DCDC1: variants seen among roughly 807,000 people sequenced by gnomAD.
DCDC1 encodes the protein doublecortin domain-containing protein 1.
In DCDC1, 200 loss-of-function variants were observed where a neutral mutation model predicts 178.3. The ratio of observed to expected loss-of-function variants is 1.12; its 90% CI spans 1.00 to 1.26. The LOEUF (loss-of-function observed/expected upper bound fraction) is 1.26, where lower values mean the gene tolerates loss of function less well. Ranked by LOEUF, DCDC1 falls within the 50% of genes most tolerant of loss-of-function variation. The pLI, the probability that DCDC1 is intolerant of heterozygous loss-of-function variation, is 0.00. For missense variants in DCDC1, 1,983 were observed against 1,749.2 expected (o/e 1.13, Z -2.38); for synonymous variants, 690 against 604.8 (o/e 1.14, Z -2.07).
intron 11 of DCDC1, among the ~76,000 whole-genome samples, chr11:31,116,763 A>C (rs1960026570): frequency 6.6e-6 from 1 of 152,166 alleles, no homozygotes; most frequent in Non-Finnish European, 1.5e-5. Flanking sequence ...ATTATTTAAC[A>C]AGTAAGGAGC....
chr11:31,038,557 AACTG>A (rs1218809526), intron 20 of DCDC1, among the ~76,000 whole-genome samples: 1 of 152,188 alleles, frequency 6.6e-6, no homozygotes, highest in Non-Finnish European at 1.5e-5. Context: ...TTTCTGGGTC[AACTG>A]ACAAATAAAA....
chr11:30,946,546 A>G (rs1948067623), intron 21 of DCDC1, among the ~76,000 whole-genome samples: 1 of 152,152 alleles, frequency 6.6e-6, no homozygotes, highest in East Asian at 1.9e-4. Flanking sequence ...GAACATCTTT[A>G]GGGGCCAAAA....
chr11:31,341,845 ATT>A, intron 1 of DCDC1, among the ~76,000 whole-genome samples: 2 of 150,044 alleles, frequency 1.3e-5, no homozygotes, highest in Middle Eastern at 6.8e-3. Flanking sequence ...ACACACACAC[ATT>A]TTTTTTGGTC....
At chr11:31,213,100 CCTCTCTCTCTCTCTCTCTCTCTCTCTCT>C (rs71060480) in intron 9 of DCDC1, among the ~76,000 whole-genome samples, 28 of 44,276 alleles carry the variant, frequency 6.3e-4, no homozygotes, top group South Asian at 1.1e-3. Flanking sequence ...TAAAGCCCAG[CCTCTCTCTCTCTCTCTCTCTCTCTCTCT>C]CTCTCTCTCT....
At chr11:30,942,481 ATC>A (rs1947720857) in intron 21 of DCDC1, among the ~76,000 whole-genome samples, 1 of 152,186 alleles carries the variant, frequency 6.6e-6, no homozygotes, top group African/African-American at 2.4e-5. Flanking sequence ...TAGCTAATAT[ATC>A]TCTTTCTTTC....
At chr11:31,272,651 C>G (rs1345612829) in intron 7 of DCDC1, among the ~76,000 whole-genome samples, 2 of 152,214 alleles carry the variant, frequency 1.3e-5, no homozygotes, top group Non-Finnish European at 2.9e-5. Context: ...GTGGTCAAAT[C>G]TTAAAACTCC....
chr11:31,175,529 G>C (rs1967891906), intron 9 of DCDC1, among the ~76,000 whole-genome samples: 1 of 152,174 alleles, frequency 6.6e-6, no homozygotes, highest in African/African-American at 2.4e-5. Context: ...CGACCCAACA[G>C]TCAGTCCTTG....
At position 31,307,517 on chromosome 11, in the gene DCDC1, C is replaced by T. The variant is rs909602151; in HGVS notation, c.434+122G>A. The T allele has an allele frequency of 4.6e-5, 63 of 1,360,708 alleles. No individual in the cohort carries two copies. In the African/African-American group the frequency reaches 8.4e-4, roughly 18 times the overall value. 84.3% of individuals were successfully genotyped at this position (1,360,708 alleles called of 1,614,324 possible). The stretch of plus-strand genomic sequence containing the variant: ...TCAAAGAAAAAAACAAAAACAAAAA[C>T]AAAACCCGAGAGATGTGTTACATTT... On this transcript the variant is annotated intron_variant, in intron 4 of 38. Transcript: ENST00000684477.
At chr11:31,157,696 G>A (rs892255937) in intron 9 of DCDC1, among the ~76,000 whole-genome samples, 2 of 152,074 alleles carry the variant, frequency 1.3e-5, no homozygotes, top group African/African-American at 4.8e-5. Context: ...GGGGCAAATG[G>A]AGGCTTAGAA....
chr11:30,965,405 G>C (rs980953897), intron 20 of DCDC1, among the ~76,000 whole-genome samples: 1 of 151,978 alleles, frequency 6.6e-6, no homozygotes, highest in African/African-American at 2.4e-5. Context: ...AGCTTCTCAG[G>C]GTATCTGTCC....
At chr11:31,263,682 G>A (rs1944949784) in intron 8 of DCDC1, among the ~76,000 whole-genome samples, 2 of 152,274 alleles carry the variant, frequency 1.3e-5, no homozygotes, top group African/African-American at 2.4e-5. Flanking sequence ...CATTCAGTAA[G>A]TATTAATTAA....
intron 20 of DCDC1, among the ~76,000 whole-genome samples, chr11:31,013,214 C>G (rs1325267720): frequency 1.3e-5 from 2 of 152,130 alleles, no homozygotes; most frequent in African/African-American, 4.8e-5. Flanking sequence ...TTGTATACCT[C>G]TTTCTTAATT....
chr11:31,236,154 GA>G (rs1976432892), intron 9 of DCDC1, among the ~76,000 whole-genome samples: 1 of 149,538 alleles, frequency 6.7e-6, no homozygotes, highest in African/African-American at 2.4e-5. Flanking sequence ...ATAAATGATG[GA>G]AAATAAACAC....
chr11:30,899,535 A>G lies in DCDC1; in HGVS notation c.4765+6T>C, dbSNP rs375746853. ...TATGGTTATGCTTGATATAGTTCAT[A>G]CTGACCTTTTAACTGTCTCATTTTG... On this transcript the variant is annotated splice_donor_region_variant and intron_variant, in intron 34 of 38. Coordinates refer to ENST00000684477, the MANE Select transcript of DCDC1 (RefSeq NM_001387274.1). The G allele has an allele frequency of 1.0e-5, 16 of 1,534,608 alleles. No homozygotes were observed. The African/African-American group carries it at 2.1e-4, about 20-fold the overall frequency.
At chr11:31,042,028 A>G (rs1197737605) in intron 20 of DCDC1, among the ~76,000 whole-genome samples, 1 of 152,220 alleles carries the variant, frequency 6.6e-6, no homozygotes, top group Non-Finnish European at 1.5e-5. Context: ...TCCAATATGA[A>G]GCATCAGCAA....
chr11:31,310,301 ATTCTTGATTTTTT>A (rs1948692560), intron 3 of DCDC1, among the ~76,000 whole-genome samples: 1 of 108,836 alleles, frequency 9.2e-6, no homozygotes, highest in Admixed American at 9.5e-5. Context: ...GTTTTCAGTA[ATTCTTGATTTTTT>A]TTTTTTTTTT....
At chr11:31,218,248 A>T (rs2136640624) in intron 9 of DCDC1, among the ~76,000 whole-genome samples, 1 of 152,286 alleles carries the variant, frequency 6.6e-6, no homozygotes, top group South Asian at 2.1e-4. Flanking sequence ...AAGCCAAAAC[A>T]CTAGAAAACT....
chr11:30,941,360 G>T (rs1947629357), intron 21 of DCDC1, among the ~76,000 whole-genome samples: 1 of 152,092 alleles, frequency 6.6e-6, no homozygotes, highest in South Asian at 2.1e-4. Context: ...TAATGACATG[G>T]AAGGCCCTGC....
intron 2 of DCDC1, among the ~76,000 whole-genome samples, chr11:31,334,277 G>A (rs746189707): frequency 8.5e-5 from 13 of 152,112 alleles, no homozygotes; most frequent in South Asian, 2.1e-4. Context: ...TTAGCCATTC[G>A]TCTAATCTTT....
Sources: gnomAD v4.1 joint callset for allele counts (sites outside exome capture counted in the v4.1 genomes callset) on GRCh38, gnomAD v4.1.1 for gene constraint, MANE v1.5 for transcripts, NCBI Gene and HGNC (gene_info 2026-07-23, HGNC 2026-07-21) for gene names.